RCC1L: variants seen among roughly 807,000 people sequenced by gnomAD.
The protein encoded by RCC1L is RCC1-like G exchanging factor-like protein.
RCC1L carries 46 observed loss-of-function variants against 58.6 expected under a neutral mutation model. That is an observed-to-expected ratio of 0.79 (90% CI 0.62 to 1.00). The LOEUF (loss-of-function observed/expected upper bound fraction) is 1.00, where lower values mean the gene tolerates loss of function less well. Ranked by LOEUF, RCC1L falls within the 50% of genes least tolerant of loss-of-function variation. RCC1L has a pLI of 0.00. For missense variants in RCC1L, 636 were observed against 623.6 expected (o/e 1.02, Z -0.21); for synonymous variants, 281 against 262.9 (o/e 1.07, Z -0.67).
intron 1 of RCC1L, among the ~76,000 whole-genome samples, chr7:75,072,191 TGGAG>T (rs1806785335): frequency 1.3e-5 from 1 of 77,532 alleles, no homozygotes; most frequent in Non-Finnish European, 2.3e-5. Flanking sequence ...TATATATATA[TGGAG>T]AGAGAGAGAG....
At chr7:75,053,398 C>A (rs1379743328) in intron 9 of RCC1L, among the ~76,000 whole-genome samples, 15 of 152,142 alleles carry the variant, frequency 9.9e-5, no homozygotes, top group Non-Finnish European at 1.8e-4. Flanking sequence ...CCTGGCGACA[C>A]CCTGGGCTTC....
At chr7:75,063,197 T>C (rs587752411) in intron 5 of RCC1L, 95 bp downstream of exon 5, 97 of 1,282,294 alleles carry the variant, frequency 7.6e-5, no homozygotes, top group African/African-American at 6.6e-4. Context: ...ATTCAGAAAA[T>C]CCCCCTAACA....
At chr7:75,061,547 C>G (rs923514165) in intron 5 of RCC1L, among the ~76,000 whole-genome samples, 29 of 152,238 alleles carry the variant, frequency 1.9e-4, no homozygotes, top group African/African-American at 7.0e-4. Context: ...ACGCCATCTC[C>G]AAAGAACCAC....
chr7:75,035,708 TA>T (rs1333220952), intron 10 of RCC1L, among the ~76,000 whole-genome samples: 92 of 143,866 alleles, frequency 6.4e-4, no homozygotes, highest in Admixed American at 8.4e-4. Flanking sequence ...TATTATATAT[TA>T]AAAAAAAAAA....
Position 75,058,608 on chromosome 7 carries a change from A to G in RCC1L, c.949T>C (p.Ser317Pro). The G allele has an allele frequency of 6.2e-7, 1 of 1,608,668 alleles. No homozygotes were observed. The highest frequency in any genetic ancestry group is 1.7e-5 in the Admixed American group (1 of 58,938). The change falls in exon 7 of 11, where the codon TCT becomes CCT. Residue 317 changes from serine (S) to proline (P), a missense_variant. Physicochemically the swap from Ser to Pro is moderately conservative, Grantham distance 74 (BLOSUM62 -1). Coordinates refer to ENST00000610322, the MANE Select transcript of RCC1L (RefSeq NM_030798.5). ...CATACCTGTGTGGAGTCAGTGACAGAGGCCAGCTGCAGGTACTCCGAGTTT... is the reference window on the plus strand; with the variant it reads ...CATACCTGTGTGGAGTCAGTGACAGGGGCCAGCTGCAGGTACTCCGAGTTT... ...WGNSEYLQLA[S>P]VTDSTQVNVP...
At chr7:75,031,168 G>A (rs1805290159) in intron 10 of RCC1L, among the ~76,000 whole-genome samples, 1 of 152,140 alleles carries the variant, frequency 6.6e-6, no homozygotes, top group Non-Finnish European at 1.5e-5. Context: ...CCGTTATCCT[G>A]AGATGGGGGT....
chr7:75,034,866 C>A (rs1805402708), intron 10 of RCC1L, among the ~76,000 whole-genome samples: 1 of 152,002 alleles, frequency 6.6e-6, no homozygotes, highest in South Asian at 2.1e-4. Context: ...ATTGCCCAGG[C>A]TGCCCTTGAA....
intron 3 of RCC1L, among the ~76,000 whole-genome samples, chr7:75,065,380 C>A (rs587692714): frequency 3.3e-5 from 5 of 151,982 alleles, no homozygotes; most frequent in African/African-American, 1.2e-4. Flanking sequence ...CATGGTGAAA[C>A]CCTGTCTCTA....
At chr7:75,064,751 C>T in intron 3 of RCC1L, 103 bp from the exon 4 acceptor site, 2 of 1,268,798 alleles carry the variant, frequency 1.6e-6, no homozygotes, top group Non-Finnish European at 1.2e-6. Context: ...TGGTTACTCA[C>T]CCCCACCCCC....
At chr7:75,069,891 C>A (rs1224298402) in intron 2 of RCC1L, among the ~76,000 whole-genome samples, 3 of 152,138 alleles carry the variant, frequency 2.0e-5, no homozygotes, top group African/African-American at 4.8e-5. Context: ...GCGTGAGGCA[C>A]CACGCCCAGC....
At chr7:75,062,680 G>A (rs1806313510) in intron 5 of RCC1L, among the ~76,000 whole-genome samples, 1 of 152,198 alleles carries the variant, frequency 6.6e-6, no homozygotes, top group East Asian at 1.9e-4. Flanking sequence ...CATGAATACA[G>A]CAAGTGCTGT....
exon 11 of RCC1L, chr7:75,027,909 G>T: frequency 9.1e-7 from 1 of 1,094,518 alleles, no homozygotes; most frequent in Non-Finnish European, 1.3e-6. Flanking sequence ...CTCCTGGTCT[G>T]CTGGGTGGGA....
intron 9 of RCC1L, chr7:75,055,592 C>T (rs2131991734): frequency 4.9e-6 from 2 of 404,632 alleles, no homozygotes; most frequent in Non-Finnish European, 9.4e-6. Context: ...TGCTGGTTTC[C>T]TCCAGCACCC....
rs1554446610 is a variant in RCC1L, at chr7:75,073,768, C to T, written c.-31G>A. On this transcript the variant is annotated 5_prime_UTR_variant, in exon 1 of 11. Coordinates refer to ENST00000610322, the MANE Select transcript of RCC1L (RefSeq NM_030798.5). ...GTTCCGCGCCTCAGCAGCCTCTGGG[C>T]GCCGCCATCTTGCGTGACCCTTAAC... is the stretch of plus-strand genomic sequence containing the variant. 1.1e-5 allele frequency: 17 copies of T among 1,492,172 alleles called. No homozygotes were observed. The highest frequency in any genetic ancestry group is 1.4e-5 in the African/African-American group (1 of 70,450). The allele number at this position is 1,492,172 out of a possible 1,614,324, so 92.4% of individuals were successfully genotyped here.
intron 6 of RCC1L, among the ~76,000 whole-genome samples, chr7:75,059,905 C>T (rs982789423): frequency 4.6e-5 from 7 of 152,228 alleles, no homozygotes; most frequent in East Asian, 3.9e-4. Flanking sequence ...GGACTACAGG[C>T]GCCCGCCACC....
At chr7:75,063,480 A>G (rs1000865612) in intron 4 of RCC1L, 137 bp from the exon 5 acceptor site, 15 of 972,892 alleles carry the variant, frequency 1.5e-5, no homozygotes, top group Non-Finnish European at 2.2e-5. Flanking sequence ...CTCAAGGTCA[A>G]ATCTTAGGTC....
chr7:75,028,554 G>A (rs1316880305), intron 10 of RCC1L, among the ~76,000 whole-genome samples: 3 of 152,054 alleles, frequency 2.0e-5, no homozygotes, highest in African/African-American at 7.2e-5. Context: ...TCCCCTTGCT[G>A]CACTCAGAGT....
intron 8 of RCC1L, 111 bp from the exon 9 acceptor site, chr7:75,056,185 G>GTTTT: frequency 9.2e-7 from 1 of 1,084,856 alleles, no homozygotes; most frequent in Non-Finnish European, 1.3e-6. Flanking sequence ...GTTTTTTTTT[G>GTTTT]TTTTTTTTTT....
chr7:75,073,634 C>G lies in RCC1L; in HGVS notation c.104G>C (p.Arg35Pro), dbSNP rs781885804. 15 of 1,491,166 alleles carry G rather than the reference C, an allele frequency of 1.0e-5. No individual in the cohort carries two copies. The highest frequency in any genetic ancestry group is 2.9e-5 in the African/African-American group (2 of 68,662). 92.4% of individuals were successfully genotyped at this position (1,491,166 alleles called of 1,614,324 possible). A position where few individuals can be genotyped will look rare whatever the true frequency, so the allele number is the denominator to read the frequency against. The change falls in exon 1 of 11, where the codon CGG becomes CCG. Residue 35 changes from arginine (R) to proline (P), a missense_variant. Arg to Pro is a moderately radical substitution (Grantham distance 103, BLOSUM62 -2). Transcript: ENST00000610322. ...CGCCTCGGCTTCTGCCGCTTCGCGCCGGCTCCGGGAGCGCCCGGCCGCCGT... is the reference window on the plus strand; with the variant it reads ...CGCCTCGGCTTCTGCCGCTTCGCGCGGGCTCCGGGAGCGCCCGGCCGCCGT... ...HWTAAGRSRS[R>P]REAAEAEAEV...
Sources: gnomAD v4.1 joint callset for allele counts (sites outside exome capture counted in the v4.1 genomes callset) on GRCh38, gnomAD v4.1.1 for gene constraint, MANE v1.5 for transcripts, NCBI Gene and HGNC (gene_info 2026-07-23, HGNC 2026-07-21) for gene names.